BAHD1: variants seen among roughly 807,000 people sequenced by gnomAD.
BAHD1 encodes the protein bromo adjacent homology domain containing 1, also known as bromo adjacent homology domain-containing 1 protein.
BAHD1 carries 20 observed loss-of-function variants against 63.1 expected under a neutral mutation model. That is an observed-to-expected ratio of 0.32 (90% confidence interval 0.22 to 0.46). The LOEUF (loss-of-function observed/expected upper bound fraction) is 0.46, where lower values mean the gene tolerates loss of function less well. Among genes scored for constraint, BAHD1 ranks in the 20% least tolerant of loss-of-function variants. The pLI is 1.00. For synonymous variants in BAHD1, 408 were observed against 426.8 expected (o/e 0.96, Z 0.54); for missense variants, 939 against 1,071.8 (o/e 0.88, Z 1.73).
intron 1 of BAHD1, among the ~76,000 whole-genome samples, chr15:40,441,945 C>G (rs952180939): frequency 6.6e-6 from 1 of 151,584 alleles, no homozygotes; most frequent in African/African-American, 2.4e-5. Context: ...GCGCCGAAGA[C>G]GGAAGGGGAC....
At position 40,462,035 on chromosome 15, in the gene BAHD1, C is replaced by T. The variant is rs1297865454; in HGVS notation, c.1556C>T (p.Pro519Leu). 1.2e-6 allele frequency: 2 copies of T among 1,613,812 alleles called. No homozygotes were observed. The highest frequency in any genetic ancestry group is 1.7e-6 in the Non-Finnish European group (2 of 1,180,036). Residue 519 changes from proline (P) to leucine (L), a missense_variant, in exon 3 of 7, where the codon CCC becomes CTC. Physicochemically the swap from Pro to Leu is moderately conservative, Grantham distance 98 (BLOSUM62 -3). Around this residue, in one of 5 missense-constraint regions of BAHD1, gnomAD observed 797 missense variants for 813.3 expected, o/e 0.98. Transcript: ENST00000416165. ...PSVPPAAEPV[P>L]HLQTPTSEPQ... ...GTGCCACCTGCAGCAGAGCCCGTCCCCCATCTTCAGACACCCACCTCGGAG... is the reference window on the plus strand; with the variant it reads ...GTGCCACCTGCAGCAGAGCCCGTCCTCCATCTTCAGACACCCACCTCGGAG...
upstream of BAHD1, among the ~76,000 whole-genome samples, chr15:40,438,658 C>A (rs1893325005): frequency 6.6e-6 from 1 of 152,142 alleles, no homozygotes; most frequent in African/African-American, 2.4e-5. Context: ...TAAGACAACA[C>A]TCCCCTGCTC....
chr15:40,462,056 C>T lies in BAHD1; in HGVS notation c.1577C>T (p.Ser526Leu), dbSNP rs200336723. The change falls in exon 3 of 7, where the codon TCG becomes TTG. Residue 526 changes from serine to leucine, a missense_variant. Around this residue, in one of 5 missense-constraint regions of BAHD1, gnomAD observed 797 missense variants for 813.3 expected, o/e 0.98. Coordinates refer to ENST00000416165, the MANE Select transcript of BAHD1 (RefSeq NM_014952.5). ...EPVPHLQTPT[S>L]EPQTVARACP... Reference sequence around the variant, plus strand: ...GTCCCCCATCTTCAGACACCCACCTCGGAGCCCCAGACAGTAGCCCGTGCG... The same window carrying T: ...GTCCCCCATCTTCAGACACCCACCTTGGAGCCCCAGACAGTAGCCCGTGCG... 1.1e-4 allele frequency: 176 copies of T among 1,613,708 alleles called. No homozygotes were observed. Among genetic ancestry groups the T allele is most frequent in the East Asian group, 1.6e-4 (7 of 44,894 alleles).
At chr15:40,447,604 AAAT>A (rs1893578027) in intron 1 of BAHD1, among the ~76,000 whole-genome samples, 4 of 110,774 alleles carry the variant, frequency 3.6e-5, no homozygotes, top group Non-Finnish European at 2.0e-5. Context: ...ATAAATAAAT[AAAT>A]AAATAAAAAT....
At chr15:40,452,306 C>T (rs1050344312) in intron 1 of BAHD1, among the ~76,000 whole-genome samples, 1 of 152,212 alleles carries the variant, frequency 6.6e-6, no homozygotes, top group African/African-American at 2.4e-5. Flanking sequence ...GACAGTGCTC[C>T]TTGCAACTTT....
At chr15:40,451,100 C>T (rs1252704772) in intron 1 of BAHD1, among the ~76,000 whole-genome samples, 2 of 143,436 alleles carry the variant, frequency 1.4e-5, no homozygotes, top group Admixed American at 7.3e-5. Context: ...GCCGAGATCA[C>T]GCCATTGCAC....
Position 40,463,888 on chromosome 15 carries a change from A to T in BAHD1, c.1843A>T (p.Ser615Cys). 6.2e-7 allele frequency: 1 copy of T among 1,614,212 alleles called. No individual in the cohort carries two copies. Among genetic ancestry groups the T allele is most frequent in the South Asian group, 1.1e-5 (1 of 91,088 alleles). Residue 615 changes from serine to cysteine, a missense_variant, in exon 4 of 7, where the codon AGC becomes TGC. Around this residue, in one of 5 missense-constraint regions of BAHD1, gnomAD observed 35 missense variants for 56.5 expected, o/e 0.62. Transcript: ENST00000416165. ...TGAGCCGGAGCCAGCCATCCGAAAG[A>T]GCTACCAGGCGGTAGAGCGGCATGG... is the stretch of plus-strand genomic sequence containing the variant. ...LDEPEPAIRKSYQAVERHGET... is the reference protein window; with the variant it reads ...LDEPEPAIRKCYQAVERHGET...
chr15:40,465,483 C>G (rs1404604953), intron 6 of BAHD1, 48 bp downstream of exon 6: 1 of 1,460,762 alleles, frequency 6.8e-7, no homozygotes, highest in Non-Finnish European at 9.6e-7. Flanking sequence ...CTCAGGCTCC[C>G]CAGGCATATT....
In BAHD1 at chr15:40,459,748, C is replaced by T. The variant is rs760059662; in HGVS notation, c.1284C>T (p.Phe428=). ...GCTCAGTGCCCTCAGGCACCCCTTT[C>T]CAGCACCCTCCCTGGGGCTCCTCTC... ...APSSVPSGTP[F]QHPPWGSSRY... is the part of the protein sequence containing the mutation. Residue 428 remains phenylalanine, a synonymous_variant, in exon 2 of 7, where the codon TTC becomes TTT. Transcript: ENST00000416165. 4.3e-6 allele frequency: 7 copies of T among 1,613,998 alleles called. No individual in the cohort carries two copies. The Admixed American group carries it at 1.0e-4, about 23-fold the overall frequency.
At chr15:40,464,571 A>G (rs114881348) in intron 5 of BAHD1, 24 bp downstream of exon 5, 18,121 of 1,597,884 alleles carry the variant, frequency 0.011, 345 homozygotes, top group South Asian at 0.064. Context: ...CAGATGGGTC[A>G]GGGAGGGCAG....
intron 1 of BAHD1, among the ~76,000 whole-genome samples, chr15:40,443,628 CT>C (rs1454057420): frequency 1.3e-5 from 2 of 152,116 alleles, no homozygotes; most frequent in Admixed American, 1.3e-4. Flanking sequence ...TGATTAGGTT[CT>C]TTTTGATATC....
In BAHD1 at chr15:40,441,866, C is replaced by T. The variant is rs534520585; in HGVS notation, c.-15+598C>T. On this transcript the variant is annotated intron_variant, in intron 1 of 6. Coordinates refer to ENST00000416165, the MANE Select transcript of BAHD1 (RefSeq NM_014952.5). ...CTGGATGGGGGGCAGGGGATGAGGG[C>T]CGCGCCGGGCCGGGGGCGGCAGGGG... Among the ~76,000 whole-genome samples, 13 of 146,724 alleles carry T rather than the reference C, an allele frequency of 8.9e-5. 1 individual carries two copies. The East Asian group carries it at 2.5e-3, about 28-fold the overall frequency.
chr15:40,462,206 A>G lies in BAHD1; in HGVS notation c.1727A>G (p.Gln576Arg). 6.2e-7 allele frequency: 1 copy of G among 1,612,428 alleles called. No homozygotes were observed. The highest frequency in any genetic ancestry group is 8.5e-7 in the Non-Finnish European group (1 of 1,179,732). ...AGCCACCCCAAGCAGCCACGTGTCC[A>G]GCGCCCACGCCCTCGCCGCCGCCGT... Reference protein sequence around the residue: ...RPSHPKQPRVQRPRPRRRRRR... With the variant: ...RPSHPKQPRVRRPRPRRRRRR... Residue 576 changes from glutamine (Q) to arginine (R), a missense_variant, in exon 3 of 7, where the codon CAG (glutamine) becomes CGG (arginine). By Grantham distance (43) the Gln-to-Arg change is conservative. Around this residue, in one of 5 missense-constraint regions of BAHD1, gnomAD observed 797 missense variants for 813.3 expected, o/e 0.98. Coordinates refer to ENST00000416165, the MANE Select transcript of BAHD1 (RefSeq NM_014952.5).
chr15:40,437,728 C>T (rs907865845), upstream of BAHD1, among the ~76,000 whole-genome samples: 21 of 152,202 alleles, frequency 1.4e-4, no homozygotes, highest in Admixed American at 9.2e-4. Context: ...ACTGCACTGC[C>T]GTTGGGGTGC....
At chr15:40,444,853 C>G (rs780225220) in intron 1 of BAHD1, among the ~76,000 whole-genome samples, 6 of 152,154 alleles carry the variant, frequency 3.9e-5, no homozygotes, top group Admixed American at 6.5e-5. Context: ...TTCCCCCAAA[C>G]CTCCCTTTTG....
At position 40,441,110 on chromosome 15, in the gene BAHD1, C is replaced by T. The variant is rs973020100; in HGVS notation, c.-173C>T. ...CCGACGGCCCCGCCCGGCCGCGGTC[C>T]CCGCTCCGCCCGCCCGGCCCCGGCC... On this transcript the variant is annotated 5_prime_UTR_variant, in exon 1 of 7. Coordinates refer to ENST00000416165, the MANE Select transcript of BAHD1 (RefSeq NM_014952.5). 1 of 147,992 alleles carries T rather than the reference C, an allele frequency of 6.8e-6. No individual in the cohort carries two copies. Among genetic ancestry groups the T allele is most frequent in the Non-Finnish European group, 1.5e-5 (1 of 66,406 alleles). 9.2% of individuals were successfully genotyped at this position (147,992 alleles called of 1,614,324 possible).
chr15:40,447,502 G>A (rs1004657285), intron 1 of BAHD1, among the ~76,000 whole-genome samples: 1 of 151,762 alleles, frequency 6.6e-6, no homozygotes, highest in African/African-American at 2.4e-5. Flanking sequence ...AGGAGACAGA[G>A]GTTGCAGATC....
In BAHD1 at chr15:40,445,915, C is replaced by T. The variant is rs146619917; in HGVS notation, c.-15+4647C>T. Among the ~76,000 whole-genome samples the T allele has an allele frequency of 5.2e-4, 79 of 152,340 alleles. No homozygotes were observed. The East Asian group carries it at 0.013, about 25-fold the overall frequency. ...CCAGCACTCCCACTCTGCAGGTTTC[C>T]TGGCGTTGACTTGATGGGCCAGCTC... On this transcript the variant is annotated intron_variant, in intron 1 of 6. Transcript: ENST00000416165.
rs1893914200 is a variant in BAHD1 at position 40,458,487 on chromosome 15, C to T, written c.23C>T (p.Ser8Phe). 1 of 1,597,960 alleles carries T rather than the reference C, an allele frequency of 6.3e-7. No homozygotes were observed. The highest frequency in any genetic ancestry group is 1.3e-5 in the African/African-American group (1 of 74,570). MTHTRRK[S>F]LPMLSSGLTG... ...TCCATGACACACACTCGGAGAAAGT[C>T]CCTTCCCATGCTGAGTTCGGGCCTC... is the stretch of plus-strand genomic sequence containing the variant. The change falls in exon 2 of 7, where the codon TCC becomes TTC. Residue 8 changes from serine to phenylalanine, a missense_variant. Physicochemically the swap from Ser to Phe is radical, Grantham distance 155 (BLOSUM62 -2). Transcript: ENST00000416165. The surrounding 1 kb of genome is among the most constrained non-coding windows in gnomAD (Gnocchi z 4.7).
Sources: gnomAD v4.1 joint callset for allele counts (sites outside exome capture counted in the v4.1 genomes callset) on GRCh38, gnomAD v4.1.1 for gene constraint, gnomAD v4.1.1 regional missense constraint, Gnocchi (gnomAD v3.1) non-coding constraint, MANE v1.5 for transcripts, NCBI Gene and HGNC (gene_info 2026-07-23, HGNC 2026-07-21) for gene names.